Variants in SLC2A14 observed in about 807,000 individuals in gnomAD.
SLC2A14 encodes solute carrier family 2 member 14.
In SLC2A14, 13 loss-of-function variants were observed where a neutral mutation model predicts 43.0. The ratio of observed to expected loss-of-function variants is 0.30; its 90% CI spans 0.20 to 0.48. The LOEUF is 0.48. Ranked by LOEUF, SLC2A14 falls within the 20% of genes least tolerant of loss-of-function variation. The pLI is 0.99. For missense variants in SLC2A14, 428 were observed against 620.4 expected, an observed-to-expected ratio of 0.69 and a Z score of 3.29; for synonymous variants, 190 against 233.8, an observed-to-expected ratio of 0.81 and a Z score of 1.71.
chr12:7,832,158 G>C (rs1283971451), intron 3 of SLC2A14, among the ~76,000 whole-genome samples: 1 of 152,264 alleles, frequency 6.6e-6, no homozygotes, highest in East Asian at 1.9e-4. Flanking sequence ...CCTCCCTAGA[G>C]AATCAAGGGA....
At chr12:7,840,415 T>C (rs998372407) in intron 2 of SLC2A14, among the ~76,000 whole-genome samples, 3 of 152,106 alleles carry the variant, frequency 2.0e-5, no homozygotes, top group Admixed American at 2.0e-4. Context: ...ATTTCGCTCT[T>C]GTCGCCTAGT....
At chr12:7,859,358 C>G (rs1944417688) in intron 2 of SLC2A14, among the ~76,000 whole-genome samples, 2 of 151,750 alleles carry the variant, frequency 1.3e-5, no homozygotes, top group African/African-American at 4.8e-5. Context: ...CCACTGCACT[C>G]CAACCTGGGT....
At chr12:7,882,846 T>G (rs1203724846) in intron 1 of SLC2A14, among the ~76,000 whole-genome samples, 1 of 151,280 alleles carries the variant, frequency 6.6e-6, no homozygotes, top group Non-Finnish European at 1.5e-5. Context: ...AAAAATTTGC[T>G]TGAGACTTGT....
intron 1 of SLC2A14, among the ~76,000 whole-genome samples, chr12:7,885,447 A>G (rs1411904406): frequency 6.6e-6 from 1 of 152,110 alleles, no homozygotes; most frequent in African/African-American, 2.4e-5. Context: ...CCTGGGCAAC[A>G]AGAGCGAAAC....
rs1182598876 is a variant in SLC2A14, at chr12:7,816,319, T to A, written c.1275+1512A>T. Among the ~76,000 whole-genome samples, 3 of 53,352 alleles carry A rather than the reference T, an allele frequency of 5.6e-5. No individual in the cohort carries two copies. The East Asian group carries it at 1.7e-3, about 30-fold the overall frequency. 35.0% of individuals were successfully genotyped at this position (53,352 alleles called of 152,430 possible). A position where few individuals can be genotyped will look rare whatever the true frequency, so the allele number is the denominator to read the frequency against. ...CGGGGTTTCACCTTGTTAGCCAGGATGGTCTCGATCTCCTGACCTCATGAT... is the reference window on the plus strand; with the variant it reads ...CGGGGTTTCACCTTGTTAGCCAGGAAGGTCTCGATCTCCTGACCTCATGAT... On this transcript the variant is annotated intron_variant, in intron 10 of 10. Coordinates refer to ENST00000431042, the MANE Select transcript of SLC2A14 (RefSeq NM_001286234.2).
chr12:7,831,001 G>A (rs1386904221), intron 4 of SLC2A14, among the ~76,000 whole-genome samples: 1 of 151,668 alleles, frequency 6.6e-6, no homozygotes, highest in Non-Finnish European at 1.5e-5. Flanking sequence ...GCGGGCACCT[G>A]TAATCCCAGC....
At chr12:7,832,347 G>C (rs1345595719) in intron 3 of SLC2A14, among the ~76,000 whole-genome samples, 1 of 152,160 alleles carries the variant, frequency 6.6e-6, no homozygotes, top group Non-Finnish European at 1.5e-5. Flanking sequence ...GGATAATACA[G>C]GAAGTGTATT....
chr12:7,842,722 C>CTTTTTTTTTTT (rs59107341), intron 2 of SLC2A14, among the ~76,000 whole-genome samples: 1 of 139,546 alleles, frequency 7.2e-6, no homozygotes, highest in Non-Finnish European at 1.6e-5. Flanking sequence ...TTCTTTTTCT[C>CTTTTTTTTTTT]TTTTTTTTTT....
Position 7,813,566 on chromosome 12 carries a change from C to T in SLC2A14, c.*750G>A, listed in dbSNP as rs886766812. 6.6e-6 allele frequency: 1 copy of T among 152,104 alleles called. No individual in the cohort carries two copies. 9.4% of individuals were successfully genotyped at this position (152,104 alleles called of 1,614,324 possible). On this transcript the variant is annotated 3_prime_UTR_variant, in exon 11 of 11. Coordinates refer to ENST00000431042, the MANE Select transcript of SLC2A14 (RefSeq NM_001286234.2). The stretch of plus-strand genomic sequence containing the variant: ...TGAGTAGCTTTATTAAATAGGCATA[C>T]AACTTTTCTGAGAAATCAAAGAGTT...
intron 1 of SLC2A14, among the ~76,000 whole-genome samples, chr12:7,888,860 T>C (rs1464126026): frequency 6.6e-6 from 1 of 151,784 alleles, no homozygotes; most frequent in East Asian, 1.9e-4. Flanking sequence ...AGAAGAGATT[T>C]AATTTAAAGC....
At chr12:7,860,083 C>T (rs1482137388) in intron 2 of SLC2A14, among the ~76,000 whole-genome samples, 1 of 152,078 alleles carries the variant, frequency 6.6e-6, no homozygotes, top group Admixed American at 6.6e-5. Context: ...TTGGTATTAC[C>T]AGAGCTGGTT....
intron 7 of SLC2A14, among the ~76,000 whole-genome samples, chr12:7,826,425 G>T (rs1242135174): frequency 6.6e-6 from 1 of 151,928 alleles, no homozygotes; most frequent in African/African-American, 2.4e-5. Context: ...ACAAATATCT[G>T]GTGTGTTAGG....
intron 2 of SLC2A14, among the ~76,000 whole-genome samples, chr12:7,840,111 C>CAAAA (rs35137540): frequency 1.8e-4 from 13 of 71,098 alleles, no homozygotes; most frequent in South Asian, 5.9e-4. Flanking sequence ...GACCCTGTCT[C>CAAAA]AAAAAAAAAA....
chr12:7,874,141 G>A (rs751939431), upstream of SLC2A14, among the ~76,000 whole-genome samples: 40 of 152,192 alleles, frequency 2.6e-4, no homozygotes, highest in African/African-American at 9.4e-4. Context: ...TTGGGGTGTG[G>A]AGAAAAAAGG....
chr12:7,843,162 C>G (rs922392745), intron 2 of SLC2A14, among the ~76,000 whole-genome samples: 14 of 150,344 alleles, frequency 9.3e-5, no homozygotes, highest in Non-Finnish European at 1.9e-4. Context: ...AGTCAGCTGA[C>G]CAATCCTTCC....
In SLC2A14 at chr12:7,828,762, G is replaced by A; in HGVS notation, c.618C>T (p.Cys206=). 1.2e-6 allele frequency: 2 copies of A among 1,614,086 alleles called. No homozygotes were observed. The highest frequency in any genetic ancestry group is 1.1e-5 in the South Asian group (1 of 91,078). Residue 206 remains cysteine, a synonymous_variant, in exon 6 of 11, where the codon TGC becomes TGT. Coordinates refer to ENST00000431042, the MANE Select transcript of SLC2A14 (RefSeq NM_001286234.2). ...TGAGCAAAAATCTGGGACTTTCAGG[G>A]CAACATGGAAGGGCTGCACTTTGCA... is the stretch of plus-strand genomic sequence containing the variant. ...AILQSAALPC[C]PESPRFLLIN... is the part of the protein sequence containing the mutation.
At chr12:7,843,160 G>A (rs972507977) in intron 2 of SLC2A14, among the ~76,000 whole-genome samples, 47 of 150,812 alleles carry the variant, frequency 3.1e-4, no homozygotes, top group African/African-American at 5.8e-4. Context: ...TTAGTCAGCT[G>A]ACCAATCCTT....
At chr12:7,847,236 G>GA (rs1486592250) in intron 2 of SLC2A14, among the ~76,000 whole-genome samples, 1 of 151,964 alleles carries the variant, frequency 6.6e-6, no homozygotes, top group African/African-American at 2.4e-5. Flanking sequence ...TGGGCACCAA[G>GA]AGAGAAACTC....
intron 2 of SLC2A14, among the ~76,000 whole-genome samples, chr12:7,836,703 G>GC (rs1865492144): frequency 6.7e-6 from 1 of 148,460 alleles, no homozygotes; most frequent in African/African-American, 2.5e-5. Flanking sequence ...AGGCGTGGTG[G>GC]CACACGCCTG....
Sources: allele counts gnomAD v4.1 joint callset (sites outside exome capture counted in the v4.1 genomes callset), GRCh38; gene constraint gnomAD v4.1.1; transcripts MANE v1.5; gene names NCBI Gene and HGNC (gene_info 2026-07-23, HGNC 2026-07-21).